AARS1: variants seen among roughly 807,000 people sequenced by gnomAD.
AARS1 encodes the protein alanine--tRNA ligase, cytoplasmic.
Under a neutral mutation model 108.9 loss-of-function variants are expected in AARS1, and 72 were observed. That is an observed-to-expected ratio of 0.66 (90% CI 0.55 to 0.80). The LOEUF (loss-of-function observed/expected upper bound fraction) is 0.80, where lower values mean the gene tolerates loss of function less well. Ranked by LOEUF, AARS1 falls within the 30% of genes least tolerant of loss-of-function variation. The pLI is 0.00. For missense variants in AARS1, 1,193 were observed against 1,233.2 expected (o/e 0.97, Z 0.49); for synonymous variants, 489 against 465.7 (o/e 1.05, Z -0.64).
chr16:70,271,372 T>C (rs1191896176), intron 5 of AARS1, among the ~76,000 whole-genome samples: 2 of 150,212 alleles, frequency 1.3e-5, no homozygotes, highest in African/African-American at 4.9e-5. Flanking sequence ...CCACTAAAAA[T>C]ACAAAATTAG....
chr16:70,269,111 G>A (rs1960331505), intron 7 of AARS1, among the ~76,000 whole-genome samples: 1 of 151,724 alleles, frequency 6.6e-6, no homozygotes, highest in African/African-American at 2.4e-5. Flanking sequence ...ATCACCTGAG[G>A]TTGGGAGTTT....
rs370368784 is a variant in AARS1 at position 70,267,808 on chromosome 16, C to A, written c.1073G>T (p.Gly358Val). 43 of 1,614,040 alleles carry A rather than the reference C, an allele frequency of 2.7e-5. No homozygotes were observed. The highest frequency in any genetic ancestry group is 3.4e-5 in the Non-Finnish European group (40 of 1,180,050). ...TLVDVVVQSL[G>V]DAFPELKKDP... ...CTTCTTCAGCTCAGGAAATGCATCT[C>A]CCTGACAAAGGGGAAGCAAGATGAG... The change falls in exon 9 of 21, where the codon GGA becomes GTA. Residue 358 changes from glycine (G) to valine (V), a missense_variant and splice_region_variant. Physicochemically the swap from Gly to Val is moderately radical, Grantham distance 109. Coordinates refer to ENST00000261772, the MANE Select transcript of AARS1 (RefSeq NM_001605.3).
intron 2 of AARS1, among the ~76,000 whole-genome samples, chr16:70,279,035 G>A (rs768578630): frequency 3.9e-5 from 6 of 152,120 alleles, no homozygotes; most frequent in Non-Finnish European, 8.8e-5. Context: ...CTGCATGCAG[G>A]CTGACAGCTA....
chr16:70,253,047 G>T, intron 20 of AARS1, 141 bp from the exon 21 acceptor site: 2 of 1,062,262 alleles, frequency 1.9e-6, no homozygotes. Flanking sequence ...CTTTACGGCT[G>T]GTACAGGGGG....
intron 16 of AARS1, among the ~76,000 whole-genome samples, chr16:70,255,176 G>A (rs1175715892): frequency 6.6e-6 from 1 of 151,106 alleles, no homozygotes; most frequent in Non-Finnish European, 1.5e-5. Flanking sequence ...ACAGGAGGGG[G>A]TAGATGGCCA....
intron 8 of AARS1, 44 bp downstream of exon 8, chr16:70,268,227 C>T (rs368230928): frequency 3.1e-4 from 480 of 1,560,730 alleles, no homozygotes; most frequent in Admixed American, 6.3e-4. Context: ...TCCCTCTTAA[C>T]GGACTGCTTT....
intron 1 of AARS1, among the ~76,000 whole-genome samples, chr16:70,283,123 G>A (rs1960744607): frequency 6.6e-6 from 1 of 152,206 alleles, no homozygotes; most frequent in Admixed American, 6.5e-5. Context: ...GGACAGCCAG[G>A]CACGATGGCT....
intron 12 of AARS1, among the ~76,000 whole-genome samples, chr16:70,261,671 ATTT>A (rs11385686): frequency 1.5e-5 from 2 of 131,804 alleles, no homozygotes; most frequent in Non-Finnish European, 1.5e-5. Flanking sequence ...GCATCTTAGA[ATTT>A]TTTTTTTTTT....
intron 12 of AARS1, 144 bp from the exon 13 acceptor site, chr16:70,261,301 A>G: frequency 1.0e-5 from 6 of 597,510 alleles, no homozygotes; most frequent in South Asian, 1.0e-4. Context: ...ATATCATTAA[A>G]TATGATTAAA....
At chr16:70,287,042 G>C (rs1271970006) in intron 1 of AARS1, among the ~76,000 whole-genome samples, 2 of 151,682 alleles carry the variant, frequency 1.3e-5, no homozygotes, top group South Asian at 2.1e-4. Flanking sequence ...ACGAGGTCAG[G>C]AGATCGAGAC....
intron 9 of AARS1, among the ~76,000 whole-genome samples, chr16:70,266,065 G>A (rs946483729): frequency 6.6e-6 from 1 of 152,174 alleles, no homozygotes; most frequent in Non-Finnish European, 1.5e-5. Context: ...TGTAATCCCA[G>A]CACTTTGGGA....
At chr16:70,254,575 T>G in intron 17 of AARS1, 46 bp downstream of exon 17, 2 of 1,328,030 alleles carry the variant, frequency 1.5e-6, no homozygotes, top group Non-Finnish European at 2.2e-6. Context: ...CGGGGCATGT[T>G]TCATGCACCA....
At chr16:70,267,277 C>G (rs1324360591) in intron 9 of AARS1, among the ~76,000 whole-genome samples, 1 of 152,152 alleles carries the variant, frequency 6.6e-6, no homozygotes, top group Admixed American at 6.6e-5. Context: ...AATTGCAAAA[C>G]AGTACATACC....
At chr16:70,263,195 G>A (rs933846579) in intron 11 of AARS1, among the ~76,000 whole-genome samples, 3 of 151,966 alleles carry the variant, frequency 2.0e-5, no homozygotes, top group Non-Finnish European at 2.9e-5. Context: ...AGATCTTTAA[G>A]AGTAGTAATA....
At position 70,269,813 on chromosome 16, in the gene AARS1, G is replaced by A. The variant is rs370183481; in HGVS notation, c.817-50C>T. The A allele has an allele frequency of 3.2e-4, 522 of 1,610,822 alleles. 2 individuals are homozygous for A. The highest frequency in any genetic ancestry group is 4.2e-4 in the Non-Finnish European group (495 of 1,178,512). On this transcript the variant is annotated intron_variant, in intron 6 of 20. Transcript: ENST00000261772. ...CCCTTTAGGAAGCAGACTTTCTGGC[G>A]CTACCTTGCCCAAGGAGGTTCCTGG...
At chr16:70,280,339 C>T (rs1960664910) in intron 2 of AARS1, among the ~76,000 whole-genome samples, 1 of 152,152 alleles carries the variant, frequency 6.6e-6, no homozygotes, top group Non-Finnish European at 1.5e-5. Context: ...GCCTCAGCCT[C>T]CCAAGTAGCA....
At chr16:70,261,224 C>T in intron 12 of AARS1, 67 bp from the exon 13 acceptor site, 1 of 1,173,272 alleles carries the variant, frequency 8.5e-7, no homozygotes, top group South Asian at 1.3e-5. Flanking sequence ...CTTATATTTT[C>T]AATATAAACT....
intron 3 of AARS1, 106 bp from the exon 4 acceptor site, chr16:70,276,737 T>G: frequency 1.5e-6 from 2 of 1,342,242 alleles, no homozygotes; most frequent in Non-Finnish European, 2.1e-6. Context: ...ACATGTTCAC[T>G]CTAAATTCAA....
intron 1 of AARS1, among the ~76,000 whole-genome samples, chr16:70,286,349 C>A (rs1452168389): frequency 6.6e-6 from 1 of 151,572 alleles, no homozygotes; most frequent in African/African-American, 2.4e-5. Context: ...GTGGCTCCAG[C>A]CACTCCACAG....
Sources: gnomAD v4.1 joint callset for allele counts (sites outside exome capture counted in the v4.1 genomes callset) on GRCh38, gnomAD v4.1.1 for gene constraint, MANE v1.5 for transcripts, NCBI Gene and HGNC (gene_info 2026-07-23, HGNC 2026-07-21) for gene names.